KCNT1: variants seen among roughly 807,000 people sequenced by gnomAD.
KCNT1 encodes the protein potassium sodium-activated channel subfamily T member 1, also known as potassium channel subfamily T member 1.
A neutral mutation model predicts 147.8 loss-of-function variants in KCNT1; 78 were observed. The ratio of observed to expected loss-of-function variants is 0.53; its 90% CI spans 0.44 to 0.64. The LOEUF is 0.64. Ranked by LOEUF, KCNT1 falls within the 30% of genes least tolerant of loss-of-function variation. The pLI is 0.00. For synonymous variants in KCNT1, 867 were observed against 748.8 expected (o/e 1.16, Z -2.58); for missense variants, 1,419 against 1,750.3 (o/e 0.81, Z 3.38).
intron 10 of KCNT1, 113 bp from the exon 11 acceptor site, chr9:135,759,566 G>T (rs1372332021): frequency 1.7e-6 from 2 of 1,176,624 alleles, no homozygotes; most frequent in African/African-American, 3.1e-5. Flanking sequence ...GCCTGGTGAT[G>T]CACAGCTCAG....
chr9:135,734,581 A>G (rs1433899811), intron 2 of KCNT1, among the ~76,000 whole-genome samples: 1 of 152,080 alleles, frequency 6.6e-6, no homozygotes, highest in Non-Finnish European at 1.5e-5. Context: ...CACGGCACAG[A>G]TGTTCTCTTG....
chr9:135,725,655 G>T (rs7855716), intron 2 of KCNT1, among the ~76,000 whole-genome samples: 2 of 152,020 alleles, frequency 1.3e-5, no homozygotes, highest in African/African-American at 4.8e-5. Flanking sequence ...AGAGGGTGCA[G>T]GGGTCACTCT....
intron 2 of KCNT1, chr9:135,736,662 G>A (rs1233547904): frequency 7.4e-6 from 2 of 272,060 alleles, no homozygotes; most frequent in Non-Finnish European, 1.4e-5. Context: ...CGCGCTCGCC[G>A]TCCGAGGGCA....
intron 2 of KCNT1, among the ~76,000 whole-genome samples, chr9:135,738,407 G>A (rs1355323318): frequency 6.6e-6 from 1 of 152,214 alleles, no homozygotes; most frequent in East Asian, 1.9e-4. Context: ...AGGCTCCTGA[G>A]CAGAGGACTT....
At chr9:135,755,424 G>A (rs1831420563) in intron 6 of KCNT1, among the ~76,000 whole-genome samples, 1 of 146,054 alleles carries the variant, frequency 6.8e-6, no homozygotes, top group Non-Finnish European at 1.5e-5. Flanking sequence ...AACTCAGTGA[G>A]CACTGAGGAC....
intron 2 of KCNT1, among the ~76,000 whole-genome samples, chr9:135,718,809 G>A (rs569475892): frequency 1.3e-5 from 2 of 152,212 alleles, no homozygotes; most frequent in Non-Finnish European, 2.9e-5. Flanking sequence ...TAGAGCCTCT[G>A]GCAGTGAGTC....
chr9:135,777,486 C>T lies in KCNT1; in HGVS notation c.2498C>T (p.Pro833Leu). 3.1e-6 allele frequency: 5 copies of T among 1,613,894 alleles called. No individual in the cohort carries two copies. The highest frequency in any genetic ancestry group is 2.2e-5 in the South Asian group (2 of 91,080). Residue 833 changes from proline to leucine, a missense_variant, in exon 21 of 31, where the codon CCC (proline) becomes CTC (leucine). Coordinates refer to ENST00000371757, the MANE Select transcript of KCNT1 (RefSeq NM_020822.3). ...AYYRSRKELN[P>L]IVLLLDNKPD... ...TACAGATCCCGCAAGGAGCTGAACC[C>T]CATCGTGCTGCTGCTGGACAACAAG...
Position 135,774,688 on chromosome 9 carries a change from C to T in KCNT1, c.2244-622C>T, listed in dbSNP as rs1014256122. On this transcript the variant is annotated intron_variant, in intron 19 of 30. Transcript: ENST00000371757. ...GTTATGTGTCCGTGCACGTGGTGCA[C>T]GTGTGCATACGCCTGCATGTGTTCA... 9.2e-5 allele frequency among the ~76,000 whole-genome samples: 14 copies of T among 151,976 alleles called. No individual in the cohort carries two copies. The East Asian group carries it at 1.6e-3, about 17-fold the overall frequency.
At chr9:135,745,643 GCA>G (rs1830790321) in intron 2 of KCNT1, among the ~76,000 whole-genome samples, 1 of 152,248 alleles carries the variant, frequency 6.6e-6, no homozygotes, top group Non-Finnish European at 1.5e-5. Flanking sequence ...TTCTATCTCA[GCA>G]CAGACAGAGC....
Position 135,779,356 on chromosome 9 carries a change from C to T in KCNT1, c.2730-3C>T, listed in dbSNP as rs1193875216. The T allele has an allele frequency of 5.0e-6, 8 of 1,607,944 alleles. No individual in the cohort carries two copies. Among genetic ancestry groups the T allele is most frequent in the Admixed American group, 3.3e-5 (2 of 59,996 alleles). ...CCCGCCCTGAGCCGCCTGCCTCCCC[C>T]AGGCTCTTCCCCAGCCTCAGCATCA... On this transcript the variant is annotated splice_polypyrimidine_tract_variant and splice_region_variant and intron_variant, in intron 23 of 30. Coordinates refer to ENST00000371757, the MANE Select transcript of KCNT1 (RefSeq NM_020822.3).
rs114427510 is a variant in KCNT1 at position 135,791,442 on chromosome 9, C to T, written c.3503-355C>T. On this transcript the variant is annotated intron_variant, in intron 29 of 30. Transcript: ENST00000371757. ...GCATGTGAGGTGAACAGACACGTCC[C>T]GGTGTCTGCAGGCTGACGTACGTGG... The T allele has an allele frequency of 7.0e-3, 2,015 of 289,664 alleles. 47 individuals are homozygous for T. The highest frequency in any genetic ancestry group is 0.041 in the African/African-American group (1,884 of 45,862). 17.9% of individuals were successfully genotyped at this position (289,664 alleles called of 1,614,324 possible).
At chr9:135,791,752 G>A (rs769628518) in intron 29 of KCNT1, 45 bp from the exon 30 acceptor site, 4 of 1,553,426 alleles carry the variant, frequency 2.6e-6, no homozygotes, top group African/African-American at 2.7e-5. Flanking sequence ...AGCTGGGAGG[G>A]GCAGGGCTGG....
intron 2 of KCNT1, among the ~76,000 whole-genome samples, chr9:135,737,570 G>A (rs1483699602): frequency 6.6e-6 from 1 of 152,224 alleles, no homozygotes; most frequent in Non-Finnish European, 1.5e-5. Flanking sequence ...GCCAGGCCGG[G>A]ACAGAAGAGC....
At chr9:135,745,559 C>T (rs1404132503) in intron 2 of KCNT1, among the ~76,000 whole-genome samples, 4 of 152,238 alleles carry the variant, frequency 2.6e-5, no homozygotes, top group East Asian at 1.9e-4. Context: ...AGATGAGCAC[C>T]GGGGCAGCCT....
intron 18 of KCNT1, 85 bp downstream of exon 18, chr9:135,771,180 G>C: frequency 7.9e-7 from 1 of 1,273,080 alleles, no homozygotes. Context: ...GACCAGGTGG[G>C]ATGGGAGACC....
At chr9:135,783,959 C>T (rs541734183) in intron 24 of KCNT1, 65 bp from the exon 25 acceptor site, 68 of 1,265,340 alleles carry the variant, frequency 5.4e-5, no homozygotes, top group African/African-American at 2.2e-4. Context: ...CCCTCGACCC[C>T]GTGGCTGCCG....
intron 11 of KCNT1, among the ~76,000 whole-genome samples, chr9:135,764,764 C>G (rs745598052): frequency 6.6e-6 from 1 of 152,170 alleles, no homozygotes; most frequent in African/African-American, 2.4e-5. Context: ...TCCCCACCCT[C>G]GGTTTACTCC....
chr9:135,770,074 G>T lies in KCNT1; in HGVS notation c.1619+19G>T, dbSNP rs374386910. On this transcript the variant is annotated intron_variant, in intron 16 of 30. Coordinates refer to ENST00000371757, the MANE Select transcript of KCNT1 (RefSeq NM_020822.3). ...GCGGCCAGTGAGTGCCCCGTGCCCC[G>T]GGGGACCGACCTCCATGGCGGGGCC... 4 of 1,539,806 alleles carry T rather than the reference G, an allele frequency of 2.6e-6. No homozygotes were observed. The highest frequency in any genetic ancestry group is 3.5e-6 in the Non-Finnish European group (4 of 1,139,704).
intron 21 of KCNT1, among the ~76,000 whole-genome samples, chr9:135,777,733 C>G (rs1203736546): frequency 1.3e-5 from 2 of 148,290 alleles, no homozygotes; most frequent in Non-Finnish European, 3.0e-5. Context: ...CCCAGCTCCT[C>G]CCCACCCCCA....
Sources: allele counts gnomAD v4.1 joint callset (sites outside exome capture counted in the v4.1 genomes callset), GRCh38; gene constraint gnomAD v4.1.1; transcripts MANE v1.5; gene names NCBI Gene and HGNC (gene_info 2026-07-23, HGNC 2026-07-21).